CACNB2: variants seen among roughly 807,000 people sequenced by gnomAD.
CACNB2 encodes the protein calcium voltage-gated channel auxiliary subunit beta 2, also known as voltage-dependent L-type calcium channel subunit beta-2.
In CACNB2, 42 loss-of-function variants were observed where a neutral mutation model predicts 73.3. The ratio of observed to expected loss-of-function variants is 0.57; its 90% confidence interval spans 0.45 to 0.74. CACNB2 has a LOEUF of 0.74. Ranked by LOEUF, CACNB2 falls within the 30% of genes least tolerant of loss-of-function variation. The probability of loss-of-function intolerance (pLI) is 0.00; values close to 1 mark genes in which losing one functional copy is unlikely to be tolerated. For synonymous variants in CACNB2, 348 were observed against 310.3 expected (o/e 1.12, Z -1.28); for missense variants, 940 against 853.0 (o/e 1.10, Z -1.27).
intron 2 of CACNB2, among the ~76,000 whole-genome samples, chr10:18,275,010 C>A (rs1319452135): frequency 6.6e-6 from 1 of 152,118 alleles, no homozygotes; most frequent in Non-Finnish European, 1.5e-5. Flanking sequence ...GGACTCTACT[C>A]CACAAAAAAG....
intron 2 of CACNB2, among the ~76,000 whole-genome samples, chr10:18,324,368 G>A (rs1285283483): frequency 1.3e-5 from 2 of 152,180 alleles, no homozygotes; most frequent in Non-Finnish European, 2.9e-5. Flanking sequence ...TTGCCAGGAA[G>A]ACAAAGAGGG....
At chr10:18,223,811 T>C (rs961662669) in intron 2 of CACNB2, among the ~76,000 whole-genome samples, 5 of 152,162 alleles carry the variant, frequency 3.3e-5, no homozygotes, top group African/African-American at 4.8e-5. Flanking sequence ...CAGAATCCTA[T>C]TGCAGAAATT....
chr10:18,147,801 T>A (rs2031140224), intron 1 of CACNB2, among the ~76,000 whole-genome samples: 1 of 152,140 alleles, frequency 6.6e-6, no homozygotes, highest in Admixed American at 6.5e-5. Context: ...TGGCCTTCAC[T>A]TTTTTCCCCC....
At chr10:18,327,753 T>C (rs956441151) in intron 2 of CACNB2, among the ~76,000 whole-genome samples, 1 of 152,072 alleles carries the variant, frequency 6.6e-6, no homozygotes, top group African/African-American at 2.4e-5. Context: ...AATGACCACA[T>C]TTATACCCTG....
intron 2 of CACNB2, among the ~76,000 whole-genome samples, chr10:18,207,440 A>G (rs1036496377): frequency 3.9e-5 from 6 of 152,248 alleles, no homozygotes; most frequent in Non-Finnish European, 5.9e-5. Context: ...AAGAAACAGT[A>G]TATCAGAACT....
chr10:18,169,113 C>A (rs969713266), intron 2 of CACNB2, among the ~76,000 whole-genome samples: 3 of 151,834 alleles, frequency 2.0e-5, no homozygotes, highest in African/African-American at 7.3e-5. Context: ...CAAAGAAAAT[C>A]GAGCATGATC....
chr10:18,400,665 T>A (rs1370394044), intron 2 of CACNB2: 1 of 1,013,802 alleles, frequency 9.9e-7, no homozygotes, highest in Non-Finnish European at 1.2e-6. Flanking sequence ...TTTCTGCGAT[T>A]CTTTTACAAC....
intron 2 of CACNB2, among the ~76,000 whole-genome samples, chr10:18,244,147 T>C (rs2036772120): frequency 6.6e-6 from 1 of 152,190 alleles, no homozygotes; most frequent in South Asian, 2.1e-4. Flanking sequence ...TAGTGCAGTG[T>C]CTTTGATATT....
intron 2 of CACNB2, among the ~76,000 whole-genome samples, chr10:18,246,347 C>T (rs572059972): frequency 1.2e-4 from 19 of 152,154 alleles, no homozygotes; most frequent in African/African-American, 4.3e-4. Context: ...AATATTATAA[C>T]CTTAGGGAAC....
At chr10:18,161,824 G>T (rs958944248) in intron 2 of CACNB2, among the ~76,000 whole-genome samples, 1 of 152,072 alleles carries the variant, frequency 6.6e-6, no homozygotes, top group Non-Finnish European at 1.5e-5. Context: ...AGCTACTGGG[G>T]AGGGTGAGGC....
Position 18,539,357 on chromosome 10 carries a change from A to G in CACNB2, c.1616A>G (p.His539Arg), listed in dbSNP as rs906587494. 6.2e-7 allele frequency: 1 copy of G among 1,613,976 alleles called. No homozygotes were observed. The highest frequency in any genetic ancestry group is 1.7e-5 in the Admixed American group (1 of 59,996). Residue 539 changes from histidine to arginine, a missense_variant, in exon 14 of 14, where the codon CAC (histidine) becomes CGC (arginine). By Grantham distance (29) the His-to-Arg change is conservative. Coordinates refer to ENST00000324631, the MANE Select transcript of CACNB2 (RefSeq NM_201596.3). ...CGCTCTTCCTCCTCAGCCCCACACC[A>G]CAACCATCGCAGTGGGACAAGTCGC... Reference protein sequence around the residue: ...QHRSSSSAPHHNHRSGTSRGL... With the variant: ...QHRSSSSAPHRNHRSGTSRGL...
chr10:18,421,728 A>G lies in CACNB2; in HGVS notation c.333+19685A>G, dbSNP rs61182438. Among the ~76,000 whole-genome samples the G allele has an allele frequency of 1.0e-2, 1,519 of 152,280 alleles. 26 individuals are homozygous for G. The highest frequency in any genetic ancestry group is 0.035 in the African/African-American group (1,440 of 41,544). On this transcript the variant is annotated intron_variant, in intron 3 of 13. Transcript: ENST00000324631. ...CTTATATCTAAACAGCTTGGCTTAT[A>G]TTTCCAGGGTCTCCACAGGCCTCTG...
chr10:18,342,448 C>A (rs1172216392), intron 2 of CACNB2, among the ~76,000 whole-genome samples: 2 of 152,170 alleles, frequency 1.3e-5, no homozygotes, highest in African/African-American at 4.8e-5. Flanking sequence ...GGCAGCATAG[C>A]AAGATCTGTG....
chr10:18,391,663 A>G (rs539027797), intron 2 of CACNB2, among the ~76,000 whole-genome samples: 1 of 152,266 alleles, frequency 6.6e-6, no homozygotes, highest in Admixed American at 6.5e-5. Flanking sequence ...GTGGTGGCTC[A>G]CACCTGTAAT....
At chr10:18,459,703 C>T (rs540071757) in intron 3 of CACNB2, among the ~76,000 whole-genome samples, 2 of 152,158 alleles carry the variant, frequency 1.3e-5, no homozygotes, top group Admixed American at 6.6e-5. Context: ...TACTCTCCAG[C>T]TGTTTGTAAA....
At chr10:18,191,875 T>G (rs2034414414) in intron 2 of CACNB2, among the ~76,000 whole-genome samples, 1 of 152,206 alleles carries the variant, frequency 6.6e-6, no homozygotes, top group Admixed American at 6.5e-5. Context: ...ATTTTTGCAG[T>G]TACAAATTGT....
intron 3 of CACNB2, among the ~76,000 whole-genome samples, chr10:18,478,825 G>T (rs2048572420): frequency 6.6e-6 from 1 of 152,176 alleles, no homozygotes; most frequent in African/African-American, 2.4e-5. Flanking sequence ...GGTATTAACA[G>T]GGAGGGGAAG....
chr10:18,171,390 A>G (rs1382156493), intron 2 of CACNB2, among the ~76,000 whole-genome samples: 3 of 149,770 alleles, frequency 2.0e-5, no homozygotes, highest in Non-Finnish European at 4.5e-5. Flanking sequence ...GGCTGGGGGC[A>G]GGATGCTGCC....
At chr10:18,337,484 G>C (rs554188054) in intron 2 of CACNB2, among the ~76,000 whole-genome samples, 2 of 152,210 alleles carry the variant, frequency 1.3e-5, no homozygotes. Context: ...AATGGCCACA[G>C]TGGTCTAGCA....
Sources: allele counts gnomAD v4.1 joint callset (sites outside exome capture counted in the v4.1 genomes callset), GRCh38; gene constraint gnomAD v4.1.1; transcripts MANE v1.5; gene names NCBI Gene and HGNC (gene_info 2026-07-23, HGNC 2026-07-21).